The following CEP63 variants were observed in gnomAD, a reference collection of about 807,000 sequenced individuals.
The protein encoded by CEP63 is centrosomal protein 63.
CEP63 carries 84 observed loss-of-function variants against 89.1 expected under a neutral mutation model. The observed-to-expected ratio is 0.94, with a 90% CI of 0.79 to 1.13. The LOEUF (loss-of-function observed/expected upper bound fraction) is 1.13, where lower values mean the gene tolerates loss of function less well. CEP63 is among the 50% of genes most tolerant of loss of function. The pLI, the probability that CEP63 is intolerant of heterozygous loss-of-function variation, is 0.00. For missense variants in CEP63, 838 were observed against 813.3 expected, an observed-to-expected ratio of 1.03 and a Z score of -0.37; for synonymous variants, 267 against 272.5, an observed-to-expected ratio of 0.98 and a Z score of 0.20.
chr3:134,678,128 C>T, the CEP63 span, among the ~76,000 whole-genome samples: 1 of 152,156 alleles, frequency 6.6e-6, no homozygotes, highest in Admixed American at 6.5e-5. Context: ...CCTCCCGCTG[C>T]CTCTGCTCAT....
chr3:134,622,877 CT>C, the CEP63 span, among the ~76,000 whole-genome samples: 1 of 152,150 alleles, frequency 6.6e-6, no homozygotes, highest in Non-Finnish European at 1.5e-5. Flanking sequence ...TTGTTTTTAG[CT>C]GGAAACATCT....
At chr3:134,512,164 A>T (rs115455477) in intron 3 of CEP63, among the ~76,000 whole-genome samples, 1 of 152,220 alleles carries the variant, frequency 6.6e-6, no homozygotes, top group Admixed American at 6.5e-5. Flanking sequence ...GTGTGTTTCA[A>T]GACATACTTG....
the CEP63 span, among the ~76,000 whole-genome samples, chr3:134,697,566 T>C: frequency 6.6e-6 from 1 of 152,164 alleles, no homozygotes; most frequent in South Asian, 2.1e-4. Flanking sequence ...AGACACAGTC[T>C]TCAAAGGTGC....
the CEP63 span, among the ~76,000 whole-genome samples, chr3:134,716,188 G>C: frequency 2.0e-5 from 3 of 152,080 alleles, no homozygotes; most frequent in Non-Finnish European, 4.4e-5. Flanking sequence ...TAATTACTCT[G>C]TCCGATTCTC....
chr3:134,701,368 ACACACAC>A, the CEP63 span, among the ~76,000 whole-genome samples: 7 of 6,172 alleles, frequency 1.1e-3, no homozygotes, highest in African/African-American at 1.6e-3. Context: ...ATATACATAT[ACACACAC>A]ATATATACGT....
intron 1 of CEP63, among the ~76,000 whole-genome samples, chr3:134,487,464 TA>T (rs1346758523): frequency 6.6e-6 from 1 of 152,230 alleles, no homozygotes; most frequent in Admixed American, 6.5e-5. Flanking sequence ...TTCCTCTCGT[TA>T]AAATGGTGGA....
At chr3:134,766,724 C>T in the CEP63 span, among the ~76,000 whole-genome samples, 36 of 152,178 alleles carry the variant, frequency 2.4e-4, no homozygotes, top group South Asian at 3.5e-3. Flanking sequence ...CACATGTAAG[C>T]GGAGGGTGCT....
chr3:134,578,523 T>C (rs969851123), downstream of CEP63, among the ~76,000 whole-genome samples: 1 of 151,944 alleles, frequency 6.6e-6, no homozygotes, highest in African/African-American at 2.4e-5. Context: ...AGAGATGGAG[T>C]TTCACCATGT....
the CEP63 span, among the ~76,000 whole-genome samples, chr3:134,740,270 A>C: frequency 5.3e-4 from 20 of 37,532 alleles, no homozygotes; most frequent in South Asian, 0.017. Flanking sequence ...CTTTTCTTTT[A>C]TTTATTTATT....
intron 1 of CEP63, among the ~76,000 whole-genome samples, chr3:134,494,696 C>T (rs9871305): frequency 0.69 from 104,059 of 151,862 alleles, 35,890 homozygotes; most frequent in East Asian, 0.82. Context: ...CAGTGTGGTG[C>T]AACTCCTATG....
chr3:134,512,354 A>G (rs1169733325), intron 3 of CEP63, among the ~76,000 whole-genome samples: 2 of 152,196 alleles, frequency 1.3e-5, no homozygotes, highest in East Asian at 1.9e-4. Flanking sequence ...TCCTGCTGTT[A>G]CTATCTTCTA....
At chr3:134,759,008 T>C in the CEP63 span, among the ~76,000 whole-genome samples, 8 of 152,166 alleles carry the variant, frequency 5.3e-5, no homozygotes, top group Non-Finnish European at 7.3e-5. Context: ...ACAGAAAAGA[T>C]GCTAACTTGC....
the CEP63 span, chr3:134,629,671 T>C: frequency 6.3e-7 from 1 of 1,597,174 alleles, no homozygotes; most frequent in Non-Finnish European, 8.5e-7. Flanking sequence ...ATCTCGAGGG[T>C]GGACTTCCAC....
the CEP63 span, among the ~76,000 whole-genome samples, chr3:134,593,212 GA>G: frequency 2.0e-5 from 3 of 152,172 alleles, no homozygotes; most frequent in Non-Finnish European, 4.4e-5. Flanking sequence ...AGGGGCTTGA[GA>G]CTTTTGGATT....
chr3:134,565,043 G>A, downstream of CEP63: 1 of 879,606 alleles, frequency 1.1e-6, no homozygotes, highest in Non-Finnish European at 1.4e-6. Context: ...CTGAGTTAGT[G>A]TCTTAACACA....
the CEP63 span, among the ~76,000 whole-genome samples, chr3:134,648,179 C>T: frequency 3.3e-5 from 5 of 152,272 alleles, 1 homozygote; most frequent in African/African-American, 1.2e-4. Context: ...GATCCTGGCG[C>T]GGAAGGAGTA....
At chr3:134,561,104 A>G (rs992333417) in intron 14 of CEP63, among the ~76,000 whole-genome samples, 1 of 152,258 alleles carries the variant, frequency 6.6e-6, no homozygotes, top group Admixed American at 6.5e-5. Context: ...ATATAAGTCT[A>G]AATTGAAACA....
chr3:134,740,281 T>C, the CEP63 span, among the ~76,000 whole-genome samples: 2 of 147,668 alleles, frequency 1.4e-5, no homozygotes, highest in African/African-American at 5.1e-5. Flanking sequence ...TTTATTTATT[T>C]ATTTATTTAT....
At chr3:134,654,346 G>T in the CEP63 span, among the ~76,000 whole-genome samples, 1 of 152,162 alleles carries the variant, frequency 6.6e-6, no homozygotes, top group Non-Finnish European at 1.5e-5. Context: ...ATCAGTCATA[G>T]CTGTTTTTAC....
Sources: gnomAD v4.1 joint callset for allele counts (sites outside exome capture counted in the v4.1 genomes callset) on GRCh38, gnomAD v4.1.1 for gene constraint, MANE v1.5 for transcripts, NCBI Gene and HGNC (gene_info 2026-07-23, HGNC 2026-07-21) for gene names.